TYW1B: variants seen among roughly 807,000 people sequenced by gnomAD.
TYW1B encodes the protein S-adenosyl-L-methionine-dependent tRNA 4-demethylwyosine synthase TYW1B.
A neutral mutation model predicts 86.9 loss-of-function variants in TYW1B; 73 were observed. The ratio of observed to expected loss-of-function variants is 0.84; its 90% CI spans 0.70 to 1.02. The LOEUF is 1.02. TYW1B is among the 50% of genes least tolerant of loss of function. The pLI, the probability that TYW1B is intolerant of heterozygous loss-of-function variation, is 0.00. For synonymous variants in TYW1B, 248 were observed against 292.8 expected (o/e 0.85, Z 1.56); for missense variants, 637 against 827.4 (o/e 0.77, Z 2.82).
intron 13 of TYW1B, among the ~76,000 whole-genome samples, chr7:72,601,777 A>T (rs1190519788): frequency 9.9e-5 from 15 of 152,072 alleles, no homozygotes; most frequent in Admixed American, 2.0e-4. Flanking sequence ...TAAAAAAAAA[A>T]AAAGAAAGAA....
chr7:72,749,324 C>T (rs1170245835), intron 7 of TYW1B, among the ~76,000 whole-genome samples: 1 of 152,016 alleles, frequency 6.6e-6, no homozygotes, highest in Non-Finnish European at 1.5e-5. Flanking sequence ...GATGGTGTCT[C>T]GCTCTGTCAC....
chr7:72,821,114 A>G (rs1445213274), intron 2 of TYW1B, among the ~76,000 whole-genome samples: 1 of 152,180 alleles, frequency 6.6e-6, no homozygotes, highest in Non-Finnish European at 1.5e-5. Context: ...CTGGGATTAC[A>G]GGCATGTGCC....
chr7:72,662,163 A>G (rs1274286276), intron 11 of TYW1B, among the ~76,000 whole-genome samples: 8 of 152,236 alleles, frequency 5.3e-5, no homozygotes, highest in African/African-American at 1.9e-4. Flanking sequence ...ATATTTTCAA[A>G]GAACATAAAG....
At chr7:72,596,179 CAAAAAAAAA>C (rs58325295) in intron 13 of TYW1B, among the ~76,000 whole-genome samples, 1 of 56,380 alleles carries the variant, frequency 1.8e-5, no homozygotes, top group African/African-American at 7.2e-5. Flanking sequence ...AACTCTGTCT[CAAAAAAAAA>C]AAAAAAAAAA....
chr7:72,733,749 C>T (rs1315892881), intron 8 of TYW1B, among the ~76,000 whole-genome samples: 2 of 152,138 alleles, frequency 1.3e-5, no homozygotes, highest in Non-Finnish European at 2.9e-5. Flanking sequence ...AAAGACATCC[C>T]ATGTCCATGG....
chr7:72,715,682 C>G (rs1786765984), intron 9 of TYW1B, among the ~76,000 whole-genome samples: 1 of 151,588 alleles, frequency 6.6e-6, no homozygotes, highest in Non-Finnish European at 1.5e-5. Context: ...GTACAACAAA[C>G]CCCCATGACA....
At chr7:72,779,023 C>T in intron 6 of TYW1B, among the ~76,000 whole-genome samples, 1 of 152,000 alleles carries the variant, frequency 6.6e-6, no homozygotes, top group East Asian at 1.9e-4. Flanking sequence ...TCAGAGACAA[C>T]ACACGAGATC....
intron 7 of TYW1B, among the ~76,000 whole-genome samples, chr7:72,770,498 T>C (rs1427176293): frequency 6.9e-6 from 1 of 144,672 alleles, no homozygotes; most frequent in Non-Finnish European, 1.5e-5. Context: ...TTCACAACCA[T>C]AAAAATGCCT....
At chr7:72,669,134 CTTTTTTTTTTT>C (rs781821639) in intron 11 of TYW1B, among the ~76,000 whole-genome samples, 5 of 81,522 alleles carry the variant, frequency 6.1e-5, no homozygotes, top group Admixed American at 2.0e-4. Context: ...TAATTTTAAA[CTTTTTTTTTTT>C]TTTTTTTTTT....
At chr7:72,577,602 C>T (rs1286832829) in intron 13 of TYW1B, among the ~76,000 whole-genome samples, 1 of 152,222 alleles carries the variant, frequency 6.6e-6, no homozygotes, top group African/African-American at 2.4e-5. Flanking sequence ...CTGGGCAGCA[C>T]TTCTGCCGCC....
intron 8 of TYW1B, among the ~76,000 whole-genome samples, chr7:72,736,551 T>C (rs1257047620): frequency 6.6e-6 from 1 of 152,178 alleles, no homozygotes; most frequent in African/African-American, 2.4e-5. Context: ...TTTACATGCA[T>C]CCATGACCAA....
intron 13 of TYW1B, among the ~76,000 whole-genome samples, chr7:72,605,847 T>G (rs1369823925): frequency 5.9e-5 from 9 of 152,074 alleles, no homozygotes; most frequent in Non-Finnish European, 8.8e-5. Flanking sequence ...AGAAAATGAG[T>G]TCACCTGGAA....
At chr7:72,703,975 A>G (rs1409888021) in intron 10 of TYW1B, among the ~76,000 whole-genome samples, 2 of 12,976 alleles carry the variant, frequency 1.5e-4, no homozygotes, top group Non-Finnish European at 2.2e-4. Flanking sequence ...CAAATCTTCA[A>G]TACTCTACTA....
intron 11 of TYW1B, among the ~76,000 whole-genome samples, chr7:72,644,711 G>A (rs1812882816): frequency 6.6e-6 from 1 of 150,500 alleles, no homozygotes; most frequent in African/African-American, 2.4e-5. Context: ...TTGCAGTGGG[G>A]AAAAAAATCC....
chr7:72,574,701 C>A lies in TYW1B; in HGVS notation c.*797G>T. 5 of 985,384 alleles carry A rather than the reference C, an allele frequency of 5.1e-6. No individual in the cohort carries two copies. The highest frequency in any genetic ancestry group is 6.0e-6 in the Non-Finnish European group (5 of 829,938). 61.0% of individuals were successfully genotyped at this position (985,384 alleles called of 1,614,324 possible). On this transcript the variant is annotated 3_prime_UTR_variant, in exon 14 of 14. Transcript: ENST00000620995. ...AGAAGATGGAGACCCGCCGTCTGGT[C>A]GTGATATGAGAGGCCCGGACAGTGA...
chr7:72,705,663 G>A (rs1554453524), intron 10 of TYW1B, among the ~76,000 whole-genome samples: 1 of 152,176 alleles, frequency 6.6e-6, no homozygotes, highest in Non-Finnish European at 1.5e-5. Context: ...ATAAGAGTTT[G>A]TGAGTCTACA....
intron 6 of TYW1B, among the ~76,000 whole-genome samples, chr7:72,789,023 G>A (rs1554472974): frequency 6.6e-6 from 1 of 151,740 alleles, no homozygotes; most frequent in African/African-American, 2.4e-5. Context: ...AGAGACAAGG[G>A]TCTCACTATG....
intron 8 of TYW1B, among the ~76,000 whole-genome samples, chr7:72,738,794 G>C (rs1787247044): frequency 1.3e-5 from 2 of 152,074 alleles, no homozygotes; most frequent in African/African-American, 4.8e-5. Context: ...AAAAGAATAT[G>C]GTATAGTAGC....
At chr7:72,662,154 TA>T (rs1554444537) in intron 11 of TYW1B, among the ~76,000 whole-genome samples, 1 of 152,192 alleles carries the variant, frequency 6.6e-6, no homozygotes, top group East Asian at 1.9e-4. Flanking sequence ...GTCTACCAGA[TA>T]TTTTCAAAGA....
Sources: allele counts gnomAD v4.1 joint callset (sites outside exome capture counted in the v4.1 genomes callset), GRCh38; gene constraint gnomAD v4.1.1; transcripts MANE v1.5; gene names NCBI Gene and HGNC (gene_info 2026-07-23, HGNC 2026-07-21).